TRPV2: variants seen among roughly 807,000 people sequenced by gnomAD.
TRPV2 encodes OTRPC2.
TRPV2 carries 58 observed loss-of-function variants against 91.0 expected under a neutral mutation model. That is an observed-to-expected ratio of 0.64 (90% CI 0.52 to 0.79). TRPV2 has a LOEUF of 0.79. TRPV2 is among the 30% of genes least tolerant of loss of function. The pLI is 0.00. For synonymous variants in TRPV2, 417 were observed against 414.8 expected, an observed-to-expected ratio of 1.01 and a Z score of -0.06; for missense variants, 807 against 969.6, an observed-to-expected ratio of 0.83 and a Z score of 2.23.
At chr17:16,416,584 C>T (rs2093331699) in intron 1 of TRPV2, 1 of 152,636 alleles carries the variant, frequency 6.6e-6, no homozygotes, top group Non-Finnish European at 1.5e-5. Context: ...CTAGGGGCCT[C>T]CCTCCCTTCG....
chr17:16,423,011 G>T, intron 4 of TRPV2, 122 bp downstream of exon 4: 6 of 1,220,732 alleles, frequency 4.9e-6, no homozygotes, highest in Non-Finnish European at 4.4e-6. Context: ...CCGATGCCCT[G>T]CTTCTAACCA....
intron 10 of TRPV2, among the ~76,000 whole-genome samples, chr17:16,431,287 ACATATTT>A (rs1450463325): frequency 5.7e-3 from 146 of 25,442 alleles, no homozygotes; most frequent in Non-Finnish European, 9.9e-3. Context: ...ATATATATAT[ACATATTT>A]TTTTTTTTTT....
Position 16,428,766 on chromosome 17 carries a change from C to T in TRPV2, c.1422-51C>T, listed in dbSNP as rs546296726. The stretch of plus-strand genomic sequence containing the variant: ...CTTGGTCAGCATAGGCCAGTGGGGG[C>T]TCAGGGAGCCAAGTGGCCCGCAAGC... On this transcript the variant is annotated intron_variant, in intron 9 of 14. Coordinates refer to ENST00000338560, the MANE Select transcript of TRPV2 (RefSeq NM_016113.5). 2.4e-5 allele frequency: 39 copies of T among 1,608,888 alleles called. No individual in the cohort carries two copies. In the Admixed American group the frequency reaches 4.7e-4, roughly 19 times the overall value.
At position 16,428,332 on chromosome 17, in the gene TRPV2, C is replaced by T. The variant is rs759266468; in HGVS notation, c.1366C>T (p.Arg456Trp). ...TCCTCCGCAGCTGTGGTACTTCTGG[C>T]GGCGCCACGTGTTCATCTGGATCTC... ...LLVGQLWYFW[R>W]RHVFIWISFI... The change falls in exon 9 of 15, where the codon CGG becomes TGG. Residue 456 changes from arginine (R) to tryptophan (W), a missense_variant. Physicochemically the swap from Arg to Trp is moderately radical, Grantham distance 101. Coordinates refer to ENST00000338560, the MANE Select transcript of TRPV2 (RefSeq NM_016113.5). 13 of 1,614,076 alleles carry T rather than the reference C, an allele frequency of 8.1e-6. No individual in the cohort carries two copies. The highest frequency in any genetic ancestry group is 5.3e-5 in the African/African-American group (4 of 74,934).
At position 16,417,759 on chromosome 17, in the gene TRPV2, G is replaced by A. The variant is rs760832982; in HGVS notation, c.91G>A (p.Asp31Asn). The stretch of plus-strand genomic sequence containing the variant: ...CTCTGAGGCGGACAGAGGAAAGCTG[G>A]ATTTTGGGAGCGGGCTGCCTCCCAT... ...DGSEADRGKL[D>N]FGSGLPPMES... Residue 31 changes from aspartate (D) to asparagine (N), a missense_variant, in exon 2 of 15, where the codon GAT becomes AAT. Asp to Asn is a conservative substitution (Grantham distance 23, BLOSUM62 1). Coordinates refer to ENST00000338560, the MANE Select transcript of TRPV2 (RefSeq NM_016113.5). 6.2e-7 allele frequency: 1 copy of A among 1,614,238 alleles called. No individual in the cohort carries two copies. The highest frequency in any genetic ancestry group is 1.1e-5 in the South Asian group (1 of 91,086).
At chr17:16,421,994 T>C (rs1034699980) in intron 3 of TRPV2, among the ~76,000 whole-genome samples, 1 of 152,126 alleles carries the variant, frequency 6.6e-6, no homozygotes, top group East Asian at 1.9e-4. Context: ...TCACGAATGA[T>C]GACTTATGTC....
intron 12 of TRPV2, 105 bp downstream of exon 12, chr17:16,432,405 G>A (rs891454892): frequency 1.2e-5 from 12 of 987,428 alleles, no homozygotes; most frequent in Admixed American, 2.8e-5. Context: ...GAGATGCCGG[G>A]TTGGGCAGCT....
At chr17:16,427,330 C>A in intron 7 of TRPV2, 119 bp from the exon 8 acceptor site, 1 of 883,322 alleles carries the variant, frequency 1.1e-6, no homozygotes, top group South Asian at 1.7e-5. Flanking sequence ...TGTTCCCATG[C>A]CGTTCTGAGG....
chr17:16,436,259 C>G (rs2093433563), intron 14 of TRPV2, among the ~76,000 whole-genome samples: 1 of 152,212 alleles, frequency 6.6e-6, no homozygotes, highest in African/African-American at 2.4e-5. Context: ...AAACCACATG[C>G]AGCCCACGCT....
intron 3 of TRPV2, among the ~76,000 whole-genome samples, chr17:16,421,162 C>T (rs2093354595): frequency 6.6e-6 from 1 of 152,048 alleles, no homozygotes; most frequent in African/African-American, 2.4e-5. Flanking sequence ...TTGGCTTCAA[C>T]TAGCTGTGTG....
chr17:16,431,665 T>C, intron 10 of TRPV2, 119 bp from the exon 11 acceptor site: 1 of 848,664 alleles, frequency 1.2e-6, no homozygotes, highest in Non-Finnish European at 2.0e-6. Context: ...CATATGCATA[T>C]GTATGTGTGC....
chr17:16,423,381 G>C (rs1041043302), intron 4 of TRPV2, 88 bp from the exon 5 acceptor site: 7 of 1,438,688 alleles, frequency 4.9e-6, no homozygotes, highest in Non-Finnish European at 6.5e-6. Context: ...CTGTTTCAAG[G>C]AGGGCTGGCC....
intron 4 of TRPV2, among the ~76,000 whole-genome samples, chr17:16,423,108 G>A (rs1008205790): frequency 6.6e-6 from 1 of 152,184 alleles, no homozygotes; most frequent in Non-Finnish European, 1.5e-5. Context: ...TTAGCTTCTC[G>A]AGCTGGGGCT....
chr17:16,426,318 C>T lies in TRPV2; in HGVS notation c.1095+49C>T, dbSNP rs1359998526. On this transcript the variant is annotated intron_variant, in intron 6 of 14. Coordinates refer to ENST00000338560, the MANE Select transcript of TRPV2 (RefSeq NM_016113.5). The surrounding 1 kb of genome is among the most constrained non-coding windows in gnomAD (Gnocchi z 6.0). Reference sequence around the variant, plus strand: ...CACGCAGAGGACCCAGCAGAGTTTCCAGCAAGGTCCACAAATTGGGGCTGC... The same window carrying T: ...CACGCAGAGGACCCAGCAGAGTTTCTAGCAAGGTCCACAAATTGGGGCTGC... 6.3e-7 allele frequency: 1 copy of T among 1,599,832 alleles called. No homozygotes were observed. The highest frequency in any genetic ancestry group is 8.5e-7 in the Non-Finnish European group (1 of 1,171,158).
chr17:16,436,679 C>A, intron 14 of TRPV2, 110 bp from the exon 15 acceptor site: 1 of 756,342 alleles, frequency 1.3e-6, no homozygotes, highest in Non-Finnish European at 2.3e-6. Flanking sequence ...ATCGCTGAGG[C>A]TGTCCCCACG....
rs2093429175 is a variant in TRPV2, at chr17:16,434,947, C to T, written c.2172C>T (p.Asp724=). The change falls in exon 14 of 15, where the codon GAC becomes GAT. Residue 724 remains aspartate, a synonymous_variant. Coordinates refer to ENST00000338560, the MANE Select transcript of TRPV2 (RefSeq NM_016113.5). ...AGACGCTGCCTACGCTGTGTGAGGA[C>T]CCGTCAGGGGCAGGTGTCCCTCGTG... ...WEQTLPTLCE[D]PSGAGVPRTL... is the part of the protein sequence containing the mutation. 6.2e-7 allele frequency: 1 copy of T among 1,610,428 alleles called. No homozygotes were observed. The highest frequency in any genetic ancestry group is 8.5e-7 in the Non-Finnish European group (1 of 1,178,476).
At chr17:16,422,188 C>T (rs932574289) in intron 3 of TRPV2, among the ~76,000 whole-genome samples, 2 of 151,452 alleles carry the variant, frequency 1.3e-5, no homozygotes, top group Admixed American at 6.6e-5. Context: ...CCGGGTGTGG[C>T]GGTGTGCGCC....
chr17:16,423,648 A>C lies in TRPV2; in HGVS notation c.805A>C (p.Met269Leu), dbSNP rs754491837. 4 of 1,614,204 alleles carry C rather than the reference A, an allele frequency of 2.5e-6. No individual in the cohort carries two copies. Among genetic ancestry groups the C allele is most frequent in the Non-Finnish European group, 2.5e-6 (3 of 1,180,036 alleles). Residue 269 changes from methionine to leucine, a missense_variant, in exon 5 of 15, where the codon ATG becomes CTG. Transcript: ENST00000338560. ...TGAGAACATTGCACTGGTGACCAGC[A>C]TGTATGATGGGCTCCTCCAAGCTGG... ...SAENIALVTS[M>L]YDGLLQAGAR... is the part of the protein sequence containing the mutation.
rs1442379686 is a variant in TRPV2 at position 16,417,655 on chromosome 17, C to T, written c.-14C>T. On this transcript the variant is annotated 5_prime_UTR_variant, in exon 2 of 15. Coordinates refer to ENST00000338560, the MANE Select transcript of TRPV2 (RefSeq NM_016113.5). Reference sequence around the variant, plus strand: ...AGAGGTCCTGGCTGGACCGAGCAGCCTCCTCCTCCTAGGATGACCTCACCC... The same window carrying T: ...AGAGGTCCTGGCTGGACCGAGCAGCTTCCTCCTCCTAGGATGACCTCACCC... The T allele has an allele frequency of 1.2e-6, 2 of 1,613,236 alleles. No homozygotes were observed. The highest frequency in any genetic ancestry group is 3.3e-5 in the Admixed American group (2 of 59,990).
Sources: allele counts gnomAD v4.1 joint callset (sites outside exome capture counted in the v4.1 genomes callset), GRCh38; gene constraint gnomAD v4.1.1; non-coding constraint Gnocchi (gnomAD v3.1); transcripts MANE v1.5; gene names NCBI Gene and HGNC (gene_info 2026-07-23, HGNC 2026-07-21).